The following PRUNE2 variants were observed in gnomAD, a reference collection of about 807,000 sequenced individuals.
PRUNE2 encodes prune homolog 2 with BCH domain, also known as protein prune homolog 2.
PRUNE2 carries 164 observed loss-of-function variants against 252.0 expected under a neutral mutation model. The ratio of observed to expected loss-of-function variants is 0.65; its 90% CI spans 0.57 to 0.74. PRUNE2 has a LOEUF of 0.74. Ranked by LOEUF, PRUNE2 falls within the 30% of genes least tolerant of loss-of-function variation. The pLI, the probability that PRUNE2 is intolerant of heterozygous loss-of-function variation, is 0.00. For synonymous variants in PRUNE2, 1,292 were observed against 1,350.2 expected, an observed-to-expected ratio of 0.96 and a Z score of 0.94; for missense variants, 3,495 against 3,711.0, an observed-to-expected ratio of 0.94 and a Z score of 1.51.
intron 6 of PRUNE2, among the ~76,000 whole-genome samples, chr9:76,792,997 C>A (rs951155242): frequency 6.6e-6 from 1 of 152,194 alleles, no homozygotes; most frequent in Non-Finnish European, 1.5e-5. Context: ...ATTTTACTGG[C>A]AACAAAACTG....
At chr9:76,875,966 AG>A (rs1211278909) in intron 1 of PRUNE2, among the ~76,000 whole-genome samples, 11 of 152,078 alleles carry the variant, frequency 7.2e-5, no homozygotes, top group Non-Finnish European at 1.6e-4. Flanking sequence ...GTAGATCTGG[AG>A]TGGGGCCCAG....
chr9:76,704,515 G>A (rs749475518), intron 8 of PRUNE2, among the ~76,000 whole-genome samples: 7 of 152,132 alleles, frequency 4.6e-5, no homozygotes, highest in Non-Finnish European at 1.0e-4. Context: ...GTGAGCCACC[G>A]CGCCCAGCTA....
chr9:76,865,647 TAA>T (rs2060792135), intron 1 of PRUNE2, among the ~76,000 whole-genome samples: 1 of 152,204 alleles, frequency 6.6e-6, no homozygotes, highest in Non-Finnish European at 1.5e-5. Flanking sequence ...AACTTTCTTG[TAA>T]TGTCTTTGTC....
intron 9 of PRUNE2, among the ~76,000 whole-genome samples, chr9:76,700,551 C>T (rs188073719): frequency 3.1e-4 from 47 of 152,282 alleles, no homozygotes; most frequent in African/African-American, 1.1e-3. Flanking sequence ...CCTTTAGTGA[C>T]TTTCATAAGC....
intron 4 of PRUNE2, among the ~76,000 whole-genome samples, chr9:76,829,308 G>C (rs1035554037): frequency 2.0e-5 from 3 of 152,104 alleles, no homozygotes; most frequent in Non-Finnish European, 4.4e-5. Context: ...TAAGCCAATA[G>C]GCTGAAAAAA....
At chr9:76,837,239 T>A (rs112742116) in intron 4 of PRUNE2, among the ~76,000 whole-genome samples, 1 of 151,980 alleles carries the variant, frequency 6.6e-6, no homozygotes, top group South Asian at 2.1e-4. Flanking sequence ...GTGAAGCGAT[T>A]GAGACCATCC....
intron 1 of PRUNE2, chr9:76,862,424 C>T (rs1485561629): frequency 6.6e-6 from 1 of 152,152 alleles, no homozygotes; most frequent in Non-Finnish European, 1.5e-5. Flanking sequence ...GGTCACAAAT[C>T]CTTTCCTTGT....
chr9:76,729,623 T>C (rs12339267), intron 6 of PRUNE2, among the ~76,000 whole-genome samples: 1,716 of 152,176 alleles, frequency 0.011, 31 homozygotes, highest in African/African-American at 0.038. Flanking sequence ...AATTAAAAAT[T>C]TGGCTAAAGA....
At chr9:76,750,813 G>A (rs1377634939) in intron 6 of PRUNE2, among the ~76,000 whole-genome samples, 1 of 152,118 alleles carries the variant, frequency 6.6e-6, no homozygotes, top group Non-Finnish European at 1.5e-5. Context: ...TTCCTTGAAA[G>A]GTATCCTTAT....
intron 1 of PRUNE2, among the ~76,000 whole-genome samples, chr9:76,901,794 T>C (rs769654644): frequency 8.5e-5 from 13 of 152,200 alleles, no homozygotes; most frequent in Non-Finnish European, 1.8e-4. Flanking sequence ...ACTGCAGAAA[T>C]GAGCCCTTCT....
chr9:76,813,745 C>T (rs6560544), intron 6 of PRUNE2, among the ~76,000 whole-genome samples: 2,398 of 152,010 alleles, frequency 0.016, 54 homozygotes, highest in African/African-American at 0.053. Context: ...ATTGGTCTTA[C>T]GAAATTTACA....
Position 76,709,018 on chromosome 9 carries a change from G to C in PRUNE2, c.3256C>G (p.Gln1086Glu), listed in dbSNP as rs1232932359. 6.2e-7 allele frequency: 1 copy of C among 1,613,948 alleles called. No homozygotes were observed. The highest frequency in any genetic ancestry group is 1.7e-5 in the Admixed American group (1 of 60,002). Residue 1086 changes from glutamine to glutamate, a missense_variant, in exon 8 of 19, where the codon CAA becomes GAA. Physicochemically the swap from Gln to Glu is conservative, Grantham distance 29 (BLOSUM62 2). Transcript: ENST00000376718. ...TGTCGGTTTGTTTCATTGTACAGTT[G>C]CATCATGCTGGGGTCGTCGTAACTG... ...QSSYDDPSMM[Q>E]LYNETNRQLT...
chr9:76,612,343 A>G lies in PRUNE2; in HGVS notation c.*2227T>C, dbSNP rs1827696210. On this transcript the variant is annotated 3_prime_UTR_variant, in exon 19 of 19. Coordinates refer to ENST00000376718, the MANE Select transcript of PRUNE2 (RefSeq NM_015225.3). ...AGATTGTTGCTGTGTCTGTTTGGCTATAACAAGAGCCCTCTATGAACAGCT... is the reference window on the plus strand; with the variant it reads ...AGATTGTTGCTGTGTCTGTTTGGCTGTAACAAGAGCCCTCTATGAACAGCT... The G allele has an allele frequency of 1.3e-5, 2 of 152,140 alleles. No individual in the cohort carries two copies. The highest frequency in any genetic ancestry group is 2.9e-5 in the Non-Finnish European group (2 of 68,042). 9.4% of individuals were successfully genotyped at this position (152,140 alleles called of 1,614,324 possible). A position where few individuals can be genotyped will look rare whatever the true frequency, so the allele number is the denominator to read the frequency against.
At chr9:76,684,486 T>C (rs1373374760) in intron 9 of PRUNE2, among the ~76,000 whole-genome samples, 3 of 152,194 alleles carry the variant, frequency 2.0e-5, no homozygotes, top group African/African-American at 4.8e-5. Flanking sequence ...ACTTTCCCAA[T>C]GGTTGGGGTC....
chr9:76,770,481 G>A (rs773024512), intron 6 of PRUNE2, among the ~76,000 whole-genome samples: 1 of 152,008 alleles, frequency 6.6e-6, no homozygotes, highest in Non-Finnish European at 1.5e-5. Flanking sequence ...AATTGAAAAG[G>A]ACTCAGGATC....
At chr9:76,638,342 A>T in intron 12 of PRUNE2, 54 bp from the exon 13 acceptor site, 1 of 1,201,662 alleles carries the variant, frequency 8.3e-7, no homozygotes, top group East Asian at 2.4e-5. Context: ...TTAACAAGGT[A>T]ATATCTGACC....
rs1358242088 is a variant in PRUNE2, at chr9:76,713,677, A to G, written c.801T>C (p.Phe267=). 2 of 1,600,200 alleles carry G rather than the reference A, an allele frequency of 1.2e-6. No homozygotes were observed. Among genetic ancestry groups the G allele is most frequent in the Non-Finnish European group, 1.7e-6 (2 of 1,172,756 alleles). The change falls in exon 7 of 19, where the codon TTT becomes TTC. Residue 267 remains phenylalanine, a synonymous_variant. Coordinates refer to ENST00000376718, the MANE Select transcript of PRUNE2 (RefSeq NM_015225.3). The part of the protein sequence containing the change: ...HSNITSDLKA[F]TDKFGFDVLI... ...GGACATCAAAACCAAACTTGTCTGT[A>G]AATGCTTTCAAGTCACTGGTAATAT...
intron 6 of PRUNE2, among the ~76,000 whole-genome samples, chr9:76,725,373 G>A (rs936759449): frequency 6.6e-6 from 1 of 152,108 alleles, no homozygotes; most frequent in African/African-American, 2.4e-5. Flanking sequence ...CATCATTTTG[G>A]CTCAATGAAA....
chr9:76,616,853 A>G (rs1009084648), intron 18 of PRUNE2, among the ~76,000 whole-genome samples: 1 of 152,214 alleles, frequency 6.6e-6, no homozygotes, highest in Non-Finnish European at 1.5e-5. Flanking sequence ...TACTTTAAAC[A>G]AATATGTAAA....
Sources: gnomAD v4.1 joint callset for allele counts (sites outside exome capture counted in the v4.1 genomes callset) on GRCh38, gnomAD v4.1.1 for gene constraint, MANE v1.5 for transcripts, NCBI Gene and HGNC (gene_info 2026-07-23, HGNC 2026-07-21) for gene names.